ANKRD18B: variants seen among roughly 807,000 people sequenced by gnomAD.
ANKRD18B encodes the protein ankyrin repeat domain 18B.
Under a neutral mutation model 111.8 loss-of-function variants are expected in ANKRD18B, and 75 were observed. The ratio of observed to expected loss-of-function variants is 0.67; its 90% confidence interval spans 0.56 to 0.81. ANKRD18B has a LOEUF of 0.81. Among genes scored for constraint, ANKRD18B ranks in the 40% least tolerant of loss-of-function variants. ANKRD18B has a pLI of 0.00. For synonymous variants in ANKRD18B, 356 were observed against 417.3 expected (o/e 0.85, Z 1.79); for missense variants, 1,038 against 1,225.5 (o/e 0.85, Z 2.28).
chr9:33,573,404 A>G (rs1828814233), downstream of ANKRD18B: 2 of 694,666 alleles, frequency 2.9e-6, no homozygotes, highest in Non-Finnish European at 1.8e-6. Flanking sequence ...CTGTGTCTCT[A>G]GATCGGGGCT....
intron 12 of ANKRD18B, among the ~76,000 whole-genome samples, chr9:33,552,595 A>G (rs908536277): frequency 6.6e-6 from 1 of 152,168 alleles, no homozygotes; most frequent in African/African-American, 2.4e-5. Flanking sequence ...ACTGTTGCCC[A>G]CTGAGTCACA....
intron 12 of ANKRD18B, among the ~76,000 whole-genome samples, chr9:33,552,479 T>C (rs1467684062): frequency 2.0e-5 from 3 of 152,158 alleles, no homozygotes; most frequent in Admixed American, 2.0e-4. Context: ...GATTTAGCAA[T>C]AGAGTCCAGG....
intron 13 of ANKRD18B, 60 bp from the exon 14 acceptor site, chr9:33,557,998 A>G: frequency 7.1e-7 from 1 of 1,400,650 alleles, no homozygotes; most frequent in Non-Finnish European, 9.7e-7. Flanking sequence ...ATCTGTTTAA[A>G]CAATTATTAA....
In ANKRD18B at chr9:33,547,681, A is replaced by AGTGTGT. The variant is rs55918212; in HGVS notation, c.1150-218_1150-213dup. On this transcript the variant is annotated intron_variant, in intron 10 of 18. Transcript: ENST00000684830. Reference sequence around the variant, plus strand: ...TCTGATATTCTTAAAAATTCTCTAGAGTGTGTGTGTGTGTGTGTGTGTGTG... The same window carrying AGTGTGT: ...TCTGATATTCTTAAAAATTCTCTAGAGTGTGTGTGTGTGTGTGTGTGTGTGTGTGTG... 9.7e-3 allele frequency among the ~76,000 whole-genome samples: 1,423 copies of AGTGTGT among 146,260 alleles called. 13 individuals are homozygous for AGTGTGT. Among genetic ancestry groups the AGTGTGT allele is most frequent in the Middle Eastern group, 0.021 (6 of 286 alleles).
chr9:33,552,383 G>A (rs1828459271), intron 12 of ANKRD18B, among the ~76,000 whole-genome samples: 3 of 152,214 alleles, frequency 2.0e-5, no homozygotes, highest in Admixed American at 6.5e-5. Context: ...GGACAGCACA[G>A]CTCCTTAATC....
intron 14 of ANKRD18B, among the ~76,000 whole-genome samples, chr9:33,559,989 C>A (rs1828582378): frequency 6.6e-6 from 1 of 152,186 alleles, no homozygotes; most frequent in South Asian, 2.1e-4. Context: ...CCTAGGGAAC[C>A]ACCCACCTTC....
intron 15 of ANKRD18B, 107 bp downstream of exon 15, chr9:33,566,607 G>C (rs13285015): frequency 7.4e-7 from 1 of 1,348,924 alleles, no homozygotes; most frequent in African/African-American, 1.5e-5. Flanking sequence ...CCTCTCTTAC[G>C]GCAATTTCCT....
rs571779078 is a variant in ANKRD18B at position 33,532,529 on chromosome 9, T to G, written c.496-910T>G. 2.2e-4 allele frequency among the ~76,000 whole-genome samples: 33 copies of G among 152,374 alleles called. 1 individual carries two copies. Among genetic ancestry groups the G allele is most frequent in the African/African-American group, 7.9e-4 (33 of 41,594 alleles). ...TTTTCAAAAAATTTTCACTGGTCTC[T>G]CTTACACAGAATATACTGAGCTTTC... On this transcript the variant is annotated intron_variant, in intron 3 of 18. Coordinates refer to ENST00000684830, the MANE Select transcript of ANKRD18B (RefSeq NM_001393611.1).
intron 1 of ANKRD18B, among the ~76,000 whole-genome samples, chr9:33,527,301 G>A (rs905547076): frequency 1.3e-4 from 13 of 103,842 alleles, no homozygotes; most frequent in Admixed American, 4.9e-4. Flanking sequence ...TTAGCTTCAT[G>A]TTTCTTTTTT....
intron 14 of ANKRD18B, among the ~76,000 whole-genome samples, chr9:33,560,964 C>CA (rs1828597155): frequency 1.3e-5 from 2 of 152,040 alleles, no homozygotes; most frequent in Admixed American, 6.6e-5. Context: ...GACTCCGTCT[C>CA]AAAAAAATAT....
chr9:33,567,392 G>C (rs2118135370), intron 16 of ANKRD18B, 78 bp downstream of exon 16: 2 of 1,276,236 alleles, frequency 1.6e-6, no homozygotes, highest in Middle Eastern at 2.4e-4. Flanking sequence ...TAGTGAGATG[G>C]CTTCAGGAGA....
At chr9:33,561,671 G>C (rs971980544) in intron 14 of ANKRD18B, among the ~76,000 whole-genome samples, 3 of 152,164 alleles carry the variant, frequency 2.0e-5, no homozygotes, top group African/African-American at 7.2e-5. Context: ...ACTGTTTTGA[G>C]TTAATTTTTA....
chr9:33,546,939 G>T (rs1039256763), intron 10 of ANKRD18B, among the ~76,000 whole-genome samples: 5 of 152,086 alleles, frequency 3.3e-5, no homozygotes, highest in Non-Finnish European at 7.3e-5. Context: ...AGTTTCACTC[G>T]GCTCCTTGTG....
downstream of ANKRD18B, among the ~76,000 whole-genome samples, chr9:33,575,263 C>G (rs1395283057): frequency 6.6e-6 from 1 of 152,344 alleles, no homozygotes; most frequent in South Asian, 2.1e-4. Context: ...TCCATGATAA[C>G]CAAGATGCAG....
In ANKRD18B at chr9:33,548,069, T is replaced by C; in HGVS notation, c.1281T>C (p.Ile427=). ...GTCTCAGAAAGGAAAAGAAATATAT[T>C]CAGGAAATTAAAAGTATTACAGAAA... is the stretch of plus-strand genomic sequence containing the variant. ...NDSLRKEKKY[I]QEIKSITEIN... is the part of the protein sequence containing the mutation. Residue 427 remains isoleucine, a synonymous_variant, in exon 11 of 19, where the codon ATT becomes ATC. Transcript: ENST00000684830. 1 of 1,537,214 alleles carries C rather than the reference T, an allele frequency of 6.5e-7. No homozygotes were observed. The highest frequency in any genetic ancestry group is 8.8e-7 in the Non-Finnish European group (1 of 1,142,402).
At chr9:33,556,817 C>G (rs1422630135) in intron 13 of ANKRD18B, among the ~76,000 whole-genome samples, 2 of 152,068 alleles carry the variant, frequency 1.3e-5, no homozygotes, top group Non-Finnish European at 2.9e-5. Context: ...AGATATAAAA[C>G]ATATCATGGA....
chr9:33,545,693 G>C lies in ANKRD18B; in HGVS notation c.1150-2245G>C, dbSNP rs562595883. Reference sequence around the variant, plus strand: ...TGACAGAACATCAAAAGCATATCTAGAGGAAGACTTACAGCAAGATATGCA... The same window carrying C: ...TGACAGAACATCAAAAGCATATCTACAGGAAGACTTACAGCAAGATATGCA... On this transcript the variant is annotated intron_variant, in intron 10 of 18. Coordinates refer to ENST00000684830, the MANE Select transcript of ANKRD18B (RefSeq NM_001393611.1). Among the ~76,000 whole-genome samples, 39 of 152,314 alleles carry C rather than the reference G, an allele frequency of 2.6e-4. No homozygotes were observed. In the South Asian group the frequency reaches 7.9e-3, roughly 31 times the overall value.
intron 14 of ANKRD18B, among the ~76,000 whole-genome samples, chr9:33,559,560 A>G (rs1178924530): frequency 6.6e-6 from 1 of 152,190 alleles, no homozygotes; most frequent in African/African-American, 2.4e-5. Context: ...AAAGAATACA[A>G]GGTCTTGCTC....
rs1587277394 is a variant in ANKRD18B at position 33,566,578 on chromosome 9, A to G, written c.2742+78A>G. 19 of 1,502,474 alleles carry G rather than the reference A, an allele frequency of 1.3e-5. No individual in the cohort carries two copies. In the East Asian group the frequency reaches 4.3e-4, roughly 34 times the overall value. 93.1% of individuals were successfully genotyped at this position (1,502,474 alleles called of 1,614,324 possible). Reference sequence around the variant, plus strand: ...ACTGCAAACTGTATTTTGGATGTGTATATATTGTGTTTCCTCTGCCTCTCT... The same window carrying G: ...ACTGCAAACTGTATTTTGGATGTGTGTATATTGTGTTTCCTCTGCCTCTCT... On this transcript the variant is annotated intron_variant, in intron 15 of 18. Coordinates refer to ENST00000684830, the MANE Select transcript of ANKRD18B (RefSeq NM_001393611.1).
Sources: allele counts gnomAD v4.1 joint callset (sites outside exome capture counted in the v4.1 genomes callset), GRCh38; gene constraint gnomAD v4.1.1; transcripts MANE v1.5; gene names NCBI Gene and HGNC (gene_info 2026-07-23, HGNC 2026-07-21).